The following KSR1 variants were observed in gnomAD, a reference collection of about 807,000 sequenced individuals.
The protein encoded by KSR1 is kinase suppressor of ras.
KSR1 carries 35 observed loss-of-function variants against 92.9 expected under a neutral mutation model. The observed-to-expected ratio is 0.38, with a 90% CI of 0.29 to 0.50. KSR1 has a LOEUF of 0.50. Among genes scored for constraint, KSR1 ranks in the 20% least tolerant of loss-of-function variants. The pLI is 0.94. For missense variants in KSR1, 972 were observed against 1,158.5 expected (o/e 0.84, Z 2.34); for synonymous variants, 467 against 472.6 (o/e 0.99, Z 0.15).
chr17:27,536,018 A>G, intron 1 of KSR1, among the ~76,000 whole-genome samples: 1 of 152,130 alleles, frequency 6.6e-6, no homozygotes, highest in Admixed American at 6.5e-5. Flanking sequence ...TGTCTGACCC[A>G]CCTCCACGGG....
chr17:27,485,576 A>G (rs1567753683), intron 1 of KSR1, among the ~76,000 whole-genome samples: 1 of 152,022 alleles, frequency 6.6e-6, no homozygotes, highest in East Asian at 1.9e-4. Flanking sequence ...AAATGCATAC[A>G]GTTGTTAAAG....
In KSR1 at chr17:27,590,792, C is replaced by T. The variant is rs1411292875; in HGVS notation, c.1047-19C>T. The T allele has an allele frequency of 6.2e-7, 1 of 1,602,662 alleles. No homozygotes were observed. The highest frequency in any genetic ancestry group is 1.1e-5 in the South Asian group (1 of 88,520). On this transcript the variant is annotated intron_variant, in intron 6 of 20. Transcript: ENST00000644974. ...CCTCCCAGCTGGTGCAAACATGTGCCTGTGTCCGCCCTCTGCAGGTTCTCC... is the reference window on the plus strand; with the variant it reads ...CCTCCCAGCTGGTGCAAACATGTGCTTGTGTCCGCCCTCTGCAGGTTCTCC...
intron 1 of KSR1, among the ~76,000 whole-genome samples, chr17:27,481,527 C>T (rs987444295): frequency 2.0e-5 from 3 of 152,216 alleles, no homozygotes; most frequent in African/African-American, 4.8e-5. Flanking sequence ...CCTTCAATCA[C>T]GAGTCAGCCT....
chr17:27,613,239 ACAC>A (rs910203738), intron 18 of KSR1: 2 of 152,616 alleles, frequency 1.3e-5, no homozygotes, highest in Non-Finnish European at 2.9e-5. Flanking sequence ...GGCCAGTTAA[ACAC>A]CACCTTCACC....
At chr17:27,487,798 CAT>C (rs1303915850) in intron 1 of KSR1, among the ~76,000 whole-genome samples, 4 of 152,070 alleles carry the variant, frequency 2.6e-5, no homozygotes, top group Non-Finnish European at 5.9e-5. Flanking sequence ...GCAGGTGTGT[CAT>C]GTGTCTAGAC....
At chr17:27,507,562 G>A (rs1597905814) in intron 1 of KSR1, among the ~76,000 whole-genome samples, 3 of 95,080 alleles carry the variant, frequency 3.2e-5, no homozygotes, top group South Asian at 3.3e-4. Context: ...TTATTGTTTG[G>A]CTTTTTTTTT....
At chr17:27,601,922 C>A in intron 11 of KSR1, 1 of 1,609,460 alleles carries the variant, frequency 6.2e-7, no homozygotes. Flanking sequence ...CTGGAAATGC[C>A]TCCTTATTGC....
chr17:27,467,972 C>T (rs1401620195), intron 1 of KSR1, among the ~76,000 whole-genome samples: 6 of 151,834 alleles, frequency 4.0e-5, no homozygotes, highest in African/African-American at 1.5e-4. Flanking sequence ...CCATTATGCC[C>T]GGCTAATTTT....
chr17:27,509,795 G>A (rs1021105961), intron 1 of KSR1, among the ~76,000 whole-genome samples: 2 of 152,212 alleles, frequency 1.3e-5, no homozygotes, highest in African/African-American at 4.8e-5. Flanking sequence ...AGTTGTGTTT[G>A]TGCCATTGCA....
intron 1 of KSR1, among the ~76,000 whole-genome samples, chr17:27,468,216 C>T (rs1007528461): frequency 3.3e-5 from 5 of 151,786 alleles, no homozygotes; most frequent in African/African-American, 9.7e-5. Flanking sequence ...CCAGCTTCAG[C>T]AATAACCAGC....
intron 13 of KSR1, 31 bp from the exon 14 acceptor site, chr17:27,605,403 C>T: frequency 6.3e-7 from 1 of 1,596,102 alleles, no homozygotes; most frequent in Non-Finnish European, 8.5e-7. Context: ...AGATCTGCTG[C>T]CCATCCCTGT....
chr17:27,599,168 G>A (rs976022302), intron 10 of KSR1, among the ~76,000 whole-genome samples: 2 of 152,250 alleles, frequency 1.3e-5, no homozygotes, highest in Admixed American at 1.3e-4. Context: ...GCATGTGACT[G>A]TACTGAATAT....
chr17:27,609,011 C>A (rs1161737702), intron 15 of KSR1, among the ~76,000 whole-genome samples, 185 bp from the exon 16 acceptor site: 1 of 152,238 alleles, frequency 6.6e-6, no homozygotes, highest in Admixed American at 6.5e-5. Context: ...TGCTTCTTCA[C>A]TGCTGTGTGG....
In KSR1 at chr17:27,610,113, G is replaced by T. The variant is rs771047061; in HGVS notation, c.2272G>T (p.Ala758Ser). 6.2e-7 allele frequency: 1 copy of T among 1,614,004 alleles called. No homozygotes were observed. The highest frequency in any genetic ancestry group is 8.5e-7 in the Non-Finnish European group (1 of 1,179,874). Residue 758 changes from alanine to serine, a missense_variant, in exon 17 of 21, where the codon GCC becomes TCC. This residue lies in a region of KSR1 where 260 missense variants were observed against 375.2 expected (regional missense o/e 0.69). Transcript: ENST00000644974. ...KLSHDWLCYLAPEIVREMTPG... is the reference protein window; with the variant it reads ...KLSHDWLCYLSPEIVREMTPG... ...GTCCCACGACTGGCTGTGCTATCTG[G>T]CCCCTGAGATTGTACGCGAGATGAC...
chr17:27,596,435 G>C (rs1567869470), intron 9 of KSR1, among the ~76,000 whole-genome samples: 1 of 152,226 alleles, frequency 6.6e-6, no homozygotes, highest in East Asian at 1.9e-4. Context: ...GCAAGCACTG[G>C]TTGATGTGAT....
At chr17:27,557,485 C>G (rs1421404302) in intron 2 of KSR1, among the ~76,000 whole-genome samples, 2 of 152,096 alleles carry the variant, frequency 1.3e-5, no homozygotes, top group Non-Finnish European at 2.9e-5. Context: ...AACCACTGTC[C>G]AGTGGAAGCA....
chr17:27,509,611 C>A (rs1317853175), intron 1 of KSR1, among the ~76,000 whole-genome samples: 1 of 152,094 alleles, frequency 6.6e-6, no homozygotes, highest in Non-Finnish European at 1.5e-5. Context: ...CTTTTGAACC[C>A]AGGAGTTTGA....
At chr17:27,591,381 CAG>C (rs1178670126) in intron 7 of KSR1, among the ~76,000 whole-genome samples, 2 of 152,186 alleles carry the variant, frequency 1.3e-5, no homozygotes, top group Non-Finnish European at 2.9e-5. Flanking sequence ...GTGGGCTAGG[CAG>C]AGTGTGTCCC....
chr17:27,606,921 T>C (rs981545431), intron 14 of KSR1, among the ~76,000 whole-genome samples: 1 of 152,142 alleles, frequency 6.6e-6, no homozygotes, highest in African/African-American at 2.4e-5. Flanking sequence ...AACCTCTGCC[T>C]CCCAGGCTCA....
Sources: gnomAD v4.1 joint callset for allele counts (sites outside exome capture counted in the v4.1 genomes callset) on GRCh38, gnomAD v4.1.1 for gene constraint, gnomAD v4.1.1 regional missense constraint, MANE v1.5 for transcripts, NCBI Gene and HGNC (gene_info 2026-07-23, HGNC 2026-07-21) for gene names.